Variants in TMEM43 observed in about 807,000 individuals in gnomAD.
The protein encoded by TMEM43 is transmembrane protein 43.
Under a neutral mutation model 49.6 loss-of-function variants are expected in TMEM43, and 45 were observed. The ratio of observed to expected loss-of-function variants is 0.91; its 90% confidence interval spans 0.71 to 1.16. The LOEUF is 1.16. Ranked by LOEUF, TMEM43 falls within the 50% of genes most tolerant of loss-of-function variation. TMEM43 has a pLI of 0.00. For synonymous variants in TMEM43, 199 were observed against 207.8 expected (o/e 0.96, Z 0.36); for missense variants, 532 against 516.6 (o/e 1.03, Z -0.29).
chr3:14,135,472 A>G (rs1009012696), intron 9 of TMEM43, among the ~76,000 whole-genome samples: 1 of 152,144 alleles, frequency 6.6e-6, no homozygotes, highest in African/African-American at 2.4e-5. Context: ...GTCGCACCTT[A>G]TGACAGGTGT....
chr3:14,130,054 T>C (rs1695072453), intron 2 of TMEM43, among the ~76,000 whole-genome samples: 1 of 141,506 alleles, frequency 7.1e-6, no homozygotes, highest in African/African-American at 2.6e-5. Flanking sequence ...TCTTCCTTCC[T>C]TCCTTTGTCT....
chr3:14,128,622 A>G (rs1168753010), intron 1 of TMEM43, among the ~76,000 whole-genome samples: 1 of 152,194 alleles, frequency 6.6e-6, no homozygotes. Context: ...TTCTGACCCC[A>G]CAAGGGCTAG....
In TMEM43 at chr3:14,133,804, C is replaced by A. The variant is rs140380494; in HGVS notation, c.578C>A (p.Ser193Ter). 1 of 1,614,140 alleles carries A rather than the reference C, an allele frequency of 6.2e-7. No individual in the cohort carries two copies. The highest frequency in any genetic ancestry group is 8.5e-7 in the Non-Finnish European group (1 of 1,179,966). Residue 193 changes from serine to a stop codon, truncating the protein, a stop_gained, in exon 7 of 12, where the codon TCG (serine) becomes TAG (stop). Transcript: ENST00000306077. LOFTEE classifies it high-confidence loss of function. ...PFVQIGRFFLSSGLIDKVDNF... is the reference protein window; with the variant it reads ...PFVQIGRFFL ...GTCCAAATTGGCAGGTTTTTCCTCTCGTCAGGTAAGTCTCAGGCCTCTCCA... is the reference window on the plus strand; with the variant it reads ...GTCCAAATTGGCAGGTTTTTCCTCTAGTCAGGTAAGTCTCAGGCCTCTCCA...
chr3:14,129,576 G>T lies in TMEM43; in HGVS notation c.162+15G>T. 1 of 1,613,916 alleles carries T rather than the reference G, an allele frequency of 6.2e-7. No individual in the cohort carries two copies. The highest frequency in any genetic ancestry group is 8.5e-7 in the Non-Finnish European group (1 of 1,179,930). On this transcript the variant is annotated intron_variant, in intron 2 of 11. Coordinates refer to ENST00000306077, the MANE Select transcript of TMEM43 (RefSeq NM_024334.3). Reference sequence around the variant, plus strand: ...TCACCAATGAGGTAAAATGTCTGGGGTCTTCCTGTGCAGAGTGAGAGTCCC... The same window carrying T: ...TCACCAATGAGGTAAAATGTCTGGGTTCTTCCTGTGCAGAGTGAGAGTCCC...
At chr3:14,128,606 G>A (rs1252842990) in intron 1 of TMEM43, among the ~76,000 whole-genome samples, 1 of 152,226 alleles carries the variant, frequency 6.6e-6, no homozygotes, top group African/African-American at 2.4e-5. Context: ...CCCTAAGACT[G>A]TCTACTTCTG....
Position 14,139,212 on chromosome 3 carries a change from C to A in TMEM43, c.915C>A (p.Ser305=). ...TTCATAGAGAACTAAGGAGCAACTC[C>A]ATGAAGACCTGGGGCCTGCGGGCAG... ...EVFHRELRSN[S]MKTWGLRAAG... The change falls in exon 11 of 12, where the codon TCC becomes TCA. Residue 305 remains serine, a synonymous_variant. Transcript: ENST00000306077. 1 of 1,614,134 alleles carries A rather than the reference C, an allele frequency of 6.2e-7. No individual in the cohort carries two copies. Among genetic ancestry groups the A allele is most frequent in the Non-Finnish European group, 8.5e-7 (1 of 1,179,990 alleles).
At position 14,141,984 on chromosome 3, in the gene TMEM43, C is replaced by T. The variant is rs1695255445; in HGVS notation, c.*189C>T. 3 of 614,500 alleles carry T rather than the reference C, an allele frequency of 4.9e-6. No homozygotes were observed. Among genetic ancestry groups the T allele is most frequent in the South Asian group, 2.0e-5 (1 of 50,250 alleles). 38.1% of individuals were successfully genotyped at this position (614,500 alleles called of 1,614,324 possible). A position where few individuals can be genotyped will look rare whatever the true frequency, so the allele number is the denominator to read the frequency against. On this transcript the variant is annotated 3_prime_UTR_variant, in exon 12 of 12. Coordinates refer to ENST00000306077, the MANE Select transcript of TMEM43 (RefSeq NM_024334.3). ...TGTTCACCAGCTCATGTCTTCCCCACATCTCTTCTTGCCAGTAAGCAGCTT... is the reference window on the plus strand; with the variant it reads ...TGTTCACCAGCTCATGTCTTCCCCATATCTCTTCTTGCCAGTAAGCAGCTT...
At chr3:14,136,970 G>C (rs891459150) in intron 10 of TMEM43, among the ~76,000 whole-genome samples, 1 of 149,654 alleles carries the variant, frequency 6.7e-6, no homozygotes, top group Non-Finnish European at 1.5e-5. Context: ...ATGAACACAG[G>C]TATCCCTGGT....
Position 14,131,539 on chromosome 3 carries a change from G to A in TMEM43, c.298-41G>A. The A allele has an allele frequency of 3.2e-6, 5 of 1,569,776 alleles. No individual in the cohort carries two copies. In the South Asian group the frequency reaches 3.4e-5, roughly 11 times the overall value. On this transcript the variant is annotated intron_variant, in intron 3 of 11. Transcript: ENST00000306077. ...CCAGGCTTTCTGGGCTGACGTGAAT[G>A]TTATCCTTTATTTTTTTGGTTTCTT...
chr3:14,136,588 G>A (rs144356815), intron 10 of TMEM43, among the ~76,000 whole-genome samples: 1,635 of 152,260 alleles, frequency 0.011, 23 homozygotes, highest in Middle Eastern at 0.031. Context: ...AACCCTAGAA[G>A]AATCAGTGAT....
rs142500068 is a variant in TMEM43, at chr3:14,132,819, C to T, written c.443-47C>T. ...GAGCTGGGCTGGTGGGTCTCAGCCG[C>T]GTGCCACTCCTACCCGGGCTCTGAG... is the stretch of plus-strand genomic sequence containing the variant. On this transcript the variant is annotated intron_variant, in intron 5 of 11. Coordinates refer to ENST00000306077, the MANE Select transcript of TMEM43 (RefSeq NM_024334.3). 59 of 1,583,548 alleles carry T rather than the reference C, an allele frequency of 3.7e-5. No homozygotes were observed. The African/African-American group carries it at 4.0e-4, about 11-fold the overall frequency.
intron 1 of TMEM43, among the ~76,000 whole-genome samples, chr3:14,125,981 G>C (rs1339833113): frequency 6.6e-6 from 1 of 152,128 alleles, no homozygotes; most frequent in Non-Finnish European, 1.5e-5. Context: ...CTCTGTGAAA[G>C]TGCTTCTAGG....
chr3:14,128,104 G>A (rs562618913), intron 1 of TMEM43, among the ~76,000 whole-genome samples: 5 of 152,260 alleles, frequency 3.3e-5, no homozygotes, highest in African/African-American at 9.6e-5. Context: ...AGAGGAAATG[G>A]AAGGCACAAA....
intron 10 of TMEM43, among the ~76,000 whole-genome samples, chr3:14,138,267 ACAG>A (rs1216263400): frequency 2.6e-5 from 4 of 152,166 alleles, no homozygotes; most frequent in Non-Finnish European, 5.9e-5. Flanking sequence ...TGGACTGGGG[ACAG>A]CAGCCAGCAG....
At chr3:14,139,051 C>G (rs1056160986) in intron 10 of TMEM43, 129 bp from the exon 11 acceptor site, 1 of 745,152 alleles carries the variant, frequency 1.3e-6, no homozygotes, top group Non-Finnish European at 2.4e-6. Flanking sequence ...GGCTTGCCCC[C>G]ACTCCGTCTG....
intron 1 of TMEM43, among the ~76,000 whole-genome samples, chr3:14,126,437 T>C (rs1187066748): frequency 6.6e-6 from 1 of 152,144 alleles, no homozygotes; most frequent in African/African-American, 2.4e-5. Context: ...CGTGGCCGGC[T>C]TGGCATGCTG....
At chr3:14,125,553 G>T (rs1695007781) in intron 1 of TMEM43, among the ~76,000 whole-genome samples, 2 of 152,266 alleles carry the variant, frequency 1.3e-5, no homozygotes, top group Middle Eastern at 6.8e-3. Flanking sequence ...TGAAACTTGC[G>T]CATTATGAGA....
At chr3:14,131,756 T>C (rs1372339084) in intron 4 of TMEM43, 82 bp downstream of exon 4, 2 of 984,270 alleles carry the variant, frequency 2.0e-6, no homozygotes, top group Non-Finnish European at 3.2e-6. Context: ...ATGTCTTTCA[T>C]TTTGATACCT....
chr3:14,126,419 C>G (rs1201932043), intron 1 of TMEM43, among the ~76,000 whole-genome samples: 6 of 152,170 alleles, frequency 3.9e-5, no homozygotes, highest in Non-Finnish European at 8.8e-5. Context: ...GGCACTTGCC[C>G]AAGCTCTCGT....
Sources: gnomAD v4.1 joint callset for allele counts (sites outside exome capture counted in the v4.1 genomes callset) on GRCh38, gnomAD v4.1.1 for gene constraint, MANE v1.5 for transcripts, NCBI Gene and HGNC (gene_info 2026-07-23, HGNC 2026-07-21) for gene names.